Variants in SEC63 observed in about 807,000 individuals in gnomAD.
SEC63 encodes SEC63 protein translocation regulator, also known as translocation protein SEC63 homolog.
SEC63 carries 56 observed loss-of-function variants against 116.2 expected under a neutral mutation model. The observed-to-expected ratio is 0.48, with a 90% CI of 0.39 to 0.60. The LOEUF (loss-of-function observed/expected upper bound fraction) is 0.60, where lower values mean the gene tolerates loss of function less well. Among genes scored for constraint, SEC63 ranks in the 20% least tolerant of loss-of-function variants. SEC63 has a pLI of 0.00. For missense variants in SEC63, 668 were observed against 900.0 expected, an observed-to-expected ratio of 0.74 and a Z score of 3.30; for synonymous variants, 273 against 294.6, an observed-to-expected ratio of 0.93 and a Z score of 0.75.
intron 1 of SEC63, among the ~76,000 whole-genome samples, chr6:107,933,699 CCT>C: frequency 6.6e-6 from 1 of 151,634 alleles, no homozygotes; most frequent in East Asian, 1.9e-4. Context: ...TGCCCCTGCC[CCT>C]GCCTCTCCCT....
intron 1 of SEC63, among the ~76,000 whole-genome samples, chr6:107,950,002 A>G (rs1044851554): frequency 6.6e-6 from 1 of 152,194 alleles, no homozygotes; most frequent in Non-Finnish European, 1.5e-5. Context: ...GACTGGCAGA[A>G]TGGATTAAAA....
chr6:107,928,023 T>A (rs1377834017), intron 2 of SEC63, among the ~76,000 whole-genome samples: 9 of 152,188 alleles, frequency 5.9e-5, no homozygotes, highest in African/African-American at 2.2e-4. Flanking sequence ...GCGGATTGTT[T>A]TCTGTCTTGC....
chr6:107,881,527 C>T (rs1786414713), intron 17 of SEC63, among the ~76,000 whole-genome samples: 2 of 152,042 alleles, frequency 1.3e-5, no homozygotes, highest in Non-Finnish European at 2.9e-5. Flanking sequence ...GCTTTTTATT[C>T]TAGTCATTTC....
chr6:107,908,992 A>G lies in SEC63; in HGVS notation c.668T>C (p.Ile223Thr), dbSNP rs147353928. ...YRSIRYSGDQ[I>T]LIRTTQIYTY... ...ATAAATCTGTGTTGTGCGTATTAGA[A>G]TCTGGTCTCCACTATAGCGTATTGA... Residue 223 changes from isoleucine to threonine, a missense_variant, in exon 8 of 21, where the codon ATT (isoleucine) becomes ACT (threonine). Coordinates refer to ENST00000369002, the MANE Select transcript of SEC63 (RefSeq NM_007214.5). The G allele has an allele frequency of 1.9e-6, 3 of 1,613,616 alleles. No homozygotes were observed. In the East Asian group the frequency reaches 6.7e-5, roughly 36 times the overall value.
chr6:107,893,773 A>C lies in SEC63; in HGVS notation c.1500+65T>G. On this transcript the variant is annotated intron_variant, in intron 15 of 20. Coordinates refer to ENST00000369002, the MANE Select transcript of SEC63 (RefSeq NM_007214.5). ...TACTCTCCCAGAGCAATATAAGTCA[A>C]TTGGAAAAGTAAATAAAATATTTCT... 3 of 1,604,104 alleles carry C rather than the reference A, an allele frequency of 1.9e-6. No individual in the cohort carries two copies. The South Asian group carries it at 3.3e-5, about 18-fold the overall frequency.
intron 16 of SEC63, among the ~76,000 whole-genome samples, chr6:107,889,327 T>C (rs1383778964): frequency 6.6e-6 from 1 of 152,178 alleles, no homozygotes; most frequent in African/African-American, 2.4e-5. Context: ...TGGGAGGGTG[T>C]ATGTGTTCAG....
chr6:107,952,101 G>T (rs1191925411), intron 1 of SEC63, among the ~76,000 whole-genome samples: 1 of 151,930 alleles, frequency 6.6e-6, no homozygotes, highest in Non-Finnish European at 1.5e-5. Flanking sequence ...ATTGTCTGAA[G>T]AAATATTCAT....
chr6:107,938,149 C>T (rs1385658255), intron 1 of SEC63, among the ~76,000 whole-genome samples: 1 of 152,034 alleles, frequency 6.6e-6, no homozygotes, highest in African/African-American at 2.4e-5. Flanking sequence ...AATTTCATAC[C>T]CATCATCATC....
At chr6:107,901,763 A>G (rs1389154764) in intron 12 of SEC63, among the ~76,000 whole-genome samples, 1 of 152,078 alleles carries the variant, frequency 6.6e-6, no homozygotes, top group South Asian at 2.1e-4. Context: ...TAGAAAAAAC[A>G]AAGTTGGAGG....
intron 11 of SEC63, 66 bp from the exon 12 acceptor site, chr6:107,903,064 A>T: frequency 6.5e-7 from 1 of 1,550,010 alleles, no homozygotes; most frequent in Non-Finnish European, 8.9e-7. Context: ...TATACAATTC[A>T]TCACAAAAAC....
intron 1 of SEC63, among the ~76,000 whole-genome samples, chr6:107,948,802 C>CCA (rs1386816048): frequency 6.6e-6 from 1 of 152,136 alleles, no homozygotes; most frequent in African/African-American, 2.4e-5. Flanking sequence ...AAGAAGGTAA[C>CCA]CACACCTAAA....
chr6:107,897,228 A>ATTT (rs888839897), intron 14 of SEC63, among the ~76,000 whole-genome samples: 2 of 152,210 alleles, frequency 1.3e-5, no homozygotes, highest in Non-Finnish European at 2.9e-5. Flanking sequence ...TTTCCAGACA[A>ATTT]CATAAATGTT....
chr6:107,889,364 C>CTAGTTTATT (rs1407848044), intron 16 of SEC63, among the ~76,000 whole-genome samples: 1 of 152,086 alleles, frequency 6.6e-6, no homozygotes. Context: ...TCTAGATTTT[C>CTAGTTTATT]TAGTTTATTT....
chr6:107,958,196 G>A lies in SEC63; in HGVS notation c.-187C>T, dbSNP rs916848283. 8 of 820,620 alleles carry A rather than the reference G, an allele frequency of 9.7e-6. No homozygotes were observed. Among genetic ancestry groups the A allele is most frequent in the African/African-American group, 6.8e-5 (4 of 58,964 alleles). The allele number at this position is 820,620 out of a possible 1,614,324, so 50.8% of individuals were successfully genotyped here. On this transcript the variant is annotated 5_prime_UTR_variant, in exon 1 of 21. Coordinates refer to ENST00000369002, the MANE Select transcript of SEC63 (RefSeq NM_007214.5). ...TCTGCCGCTGCCGCCGCCGTCGCCA[G>A]CTCTCGCGAGAGGAGATAGTTCCCG...
chr6:107,928,488 C>CA lies in SEC63; in HGVS notation c.224+926dup, dbSNP rs764402389. 8.8e-3 allele frequency among the ~76,000 whole-genome samples: 748 copies of CA among 84,700 alleles called. 5 individuals carry two copies. Among genetic ancestry groups the CA allele is most frequent in the Middle Eastern group, 0.017 (2 of 120 alleles). The allele number at this position is 84,700 out of a possible 152,430, so 55.6% of individuals were successfully genotyped here. A position where few individuals can be genotyped will look rare whatever the true frequency, so the allele number is the denominator to read the frequency against. On this transcript the variant is annotated intron_variant, in intron 2 of 20. Transcript: ENST00000369002. The stretch of plus-strand genomic sequence containing the variant: ...TGGGCAACAGAGCAAGACTCTGTCT[C>CA]AAAAAAAAAAAAAAGAAAAGAAAAA...
chr6:107,935,599 C>G (rs947841010), intron 1 of SEC63, among the ~76,000 whole-genome samples: 17 of 37,690 alleles, frequency 4.5e-4, no homozygotes, highest in Admixed American at 1.7e-3. Flanking sequence ...GCAGCATGCT[C>G]GTTAAGAGTC....
At chr6:107,922,156 A>C (rs924596679) in intron 3 of SEC63, among the ~76,000 whole-genome samples, 1 of 152,240 alleles carries the variant, frequency 6.6e-6, no homozygotes, top group Non-Finnish European at 1.5e-5. Flanking sequence ...TAGTAAACTA[A>C]GCACTGATAA....
chr6:107,927,468 C>G (rs920016868), intron 2 of SEC63, among the ~76,000 whole-genome samples: 1 of 152,108 alleles, frequency 6.6e-6, no homozygotes, highest in Non-Finnish European at 1.5e-5. Context: ...TGAAAGAATG[C>G]TTCAAGATTA....
Position 107,949,996 on chromosome 6 carries a change from G to A in SEC63, c.124+7890C>T, listed in dbSNP as rs76169350. ...GGTTAAATGTTCCAATCAAAAGACT[G>A]GCAGAATGGATTAAAAGCACCTGAT... On this transcript the variant is annotated intron_variant, in intron 1 of 20. Coordinates refer to ENST00000369002, the MANE Select transcript of SEC63 (RefSeq NM_007214.5). Among the ~76,000 whole-genome samples the A allele has an allele frequency of 5.9e-3, 902 of 152,204 alleles. 4 individuals carry two copies. Among genetic ancestry groups the A allele is most frequent in the Non-Finnish European group, 9.2e-3 (627 of 68,024 alleles).
Sources: gnomAD v4.1 joint callset for allele counts (sites outside exome capture counted in the v4.1 genomes callset) on GRCh38, gnomAD v4.1.1 for gene constraint, MANE v1.5 for transcripts, NCBI Gene and HGNC (gene_info 2026-07-23, HGNC 2026-07-21) for gene names.